The following NCAN variants were observed in gnomAD, a reference collection of about 807,000 sequenced individuals.
NCAN encodes neurocan.
In NCAN, 47 loss-of-function variants were observed where a neutral mutation model predicts 121.8. The observed-to-expected ratio is 0.39, with a 90% CI of 0.31 to 0.49. The LOEUF is 0.49. Ranked by LOEUF, NCAN falls within the 20% of genes least tolerant of loss-of-function variation. The pLI is 0.92. For missense variants in NCAN, 1,517 were observed against 1,773.4 expected (o/e 0.86, Z 2.60); for synonymous variants, 633 against 702.0 (o/e 0.90, Z 1.55).
In NCAN at chr19:19,249,873, A is replaced by G. The variant is rs1248874514; in HGVS notation, c.3928A>G (p.Thr1310Ala). The G allele has an allele frequency of 5.6e-6, 9 of 1,613,980 alleles. No homozygotes were observed. The highest frequency in any genetic ancestry group is 4.5e-5 in the East Asian group (2 of 44,876). ...KERRKHKKHP[T>A]EDWEKDEGNF... is the part of the protein sequence containing the mutation. The stretch of plus-strand genomic sequence containing the variant: ...GCGCAGAAAACACAAGAAACACCCA[A>G]CGGAGGACTGGGAGAAGGACGAAGG... Residue 1310 changes from threonine (T) to alanine (A), a missense_variant, in exon 15 of 15, where the codon ACG (threonine) becomes GCG (alanine). Coordinates refer to ENST00000252575, the MANE Select transcript of NCAN (RefSeq NM_004386.3).
intron 12 of NCAN, among the ~76,000 whole-genome samples, chr19:19,243,588 T>C (rs919637794): frequency 6.7e-6 from 1 of 149,434 alleles, no homozygotes; most frequent in African/African-American, 2.5e-5. Flanking sequence ...ATTGTGAATG[T>C]AATTAGTGCA....
At chr19:19,229,791 A>C (rs1176839183) in intron 8 of NCAN, among the ~76,000 whole-genome samples, 2 of 152,190 alleles carry the variant, frequency 1.3e-5, no homozygotes, top group Non-Finnish European at 2.9e-5. Context: ...AACAAACAAA[A>C]AAGAGGCTGC....
intron 13 of NCAN, among the ~76,000 whole-genome samples, 194 bp downstream of exon 13, chr19:19,245,651 T>C (rs2060921804): frequency 6.6e-6 from 1 of 152,092 alleles, no homozygotes; most frequent in Admixed American, 6.6e-5. Context: ...CTAATTTTTG[T>C]ATTTTTTGTA....
In NCAN at chr19:19,224,324, C is replaced by T; in HGVS notation, c.669C>T (p.Ser223=). Residue 223 remains serine, a synonymous_variant, in exon 5 of 15, where the codon TCC becomes TCT. Coordinates refer to ENST00000252575, the MANE Select transcript of NCAN (RefSeq NM_004386.3). ...TTGTCAGGTATCCTATCACCCAGTC[C>T]CGTCCTGGTTGCTATGGCGACCGTA... ...DRTVRYPITQ[S]RPGCYGDRSS... 6.2e-7 allele frequency: 1 copy of T among 1,614,004 alleles called. No homozygotes were observed. The highest frequency in any genetic ancestry group is 8.5e-7 in the Non-Finnish European group (1 of 1,179,946).
rs558927235 is a variant in NCAN, at chr19:19,213,737, G to T, written c.-8+1673G>T. On this transcript the variant is annotated intron_variant, in intron 1 of 14. Transcript: ENST00000252575. Reference sequence around the variant, plus strand: ...TGGCAGTGTGCACCCTTGGCACGGGGGTGTGGGACGTGGTCTGTGTTCAGA... The same window carrying T: ...TGGCAGTGTGCACCCTTGGCACGGGTGTGTGGGACGTGGTCTGTGTTCAGA... Among the ~76,000 whole-genome samples the T allele has an allele frequency of 1.1e-4, 16 of 152,166 alleles. No individual in the cohort carries two copies. The South Asian group carries it at 3.3e-3, about 32-fold the overall frequency.
intron 12 of NCAN, among the ~76,000 whole-genome samples, chr19:19,244,564 CT>C (rs2060917257): frequency 6.6e-6 from 1 of 151,984 alleles, no homozygotes; most frequent in Non-Finnish European, 1.5e-5. Flanking sequence ...CCCCCTTGGC[CT>C]CTCAAAGTGC....
chr19:19,223,152 T>C (rs1280182826), intron 3 of NCAN, among the ~76,000 whole-genome samples: 10 of 151,568 alleles, frequency 6.6e-5, no homozygotes, highest in Non-Finnish European at 1.3e-4. Context: ...AATAAATAAA[T>C]AAATAAAAAA....
chr19:19,240,557 G>A (rs969942953), intron 11 of NCAN, 46 bp from the exon 12 acceptor site: 13 of 1,598,900 alleles, frequency 8.1e-6, no homozygotes, highest in South Asian at 1.1e-5. Flanking sequence ...CCTGGGCCAG[G>A]AGAGGCATGG....
At chr19:19,243,818 G>T (rs34099325) in intron 12 of NCAN, among the ~76,000 whole-genome samples, 3,510 of 152,224 alleles carry the variant, frequency 0.023, 66 homozygotes, top group Non-Finnish European at 0.031. Context: ...GCGAGGTCAG[G>T]AGTTCAAGAC....
At chr19:19,221,827 GC>G (rs2060817845) in intron 3 of NCAN, among the ~76,000 whole-genome samples, 1 of 152,096 alleles carries the variant, frequency 6.6e-6, no homozygotes, top group Non-Finnish European at 1.5e-5. Flanking sequence ...AAGGTTGGAA[GC>G]TGCAGTGAGC....
intron 1 of NCAN, among the ~76,000 whole-genome samples, chr19:19,215,353 G>A (rs960490103): frequency 4.6e-5 from 7 of 152,182 alleles, no homozygotes; most frequent in African/African-American, 1.7e-4. Context: ...CTGGTGACCG[G>A]GGTTCGCAGG....
chr19:19,233,760 C>A, intron 8 of NCAN, 29 bp from the exon 9 acceptor site: 1 of 1,434,154 alleles, frequency 7.0e-7, no homozygotes, highest in South Asian at 1.1e-5. Flanking sequence ...TGGCCTGACT[C>A]TTCCCCACAC....
Position 19,225,566 on chromosome 19 carries a change from GAC to G in NCAN, c.1072+298_1072+299del, listed in dbSNP as rs2060833374. Among the ~76,000 whole-genome samples, 1 of 152,174 alleles carries G rather than the reference GAC, an allele frequency of 6.6e-6. No homozygotes were observed. Among genetic ancestry groups the G allele is most frequent in the Non-Finnish European group, 1.5e-5 (1 of 68,008 alleles). On this transcript the variant is annotated intron_variant, in intron 6 of 14. Coordinates refer to ENST00000252575, the MANE Select transcript of NCAN (RefSeq NM_004386.3). The surrounding 1 kb of genome is among the most constrained non-coding windows in gnomAD (Gnocchi z 4.0). ...GTCCGGAGGCCCCATAACCTTGAAAGACAAGCCCCTAGGTGGGGCATACTCTA... is the reference window on the plus strand; with the variant it reads ...GTCCGGAGGCCCCATAACCTTGAAAGAAGCCCCTAGGTGGGGCATACTCTA...
intron 10 of NCAN, 46 bp downstream of exon 10, chr19:19,235,142 G>A (rs1396053086): frequency 7.3e-7 from 1 of 1,367,228 alleles, no homozygotes; most frequent in Non-Finnish European, 1.0e-6. Context: ...GAGTGGGGTT[G>A]GGTGCCCAGC....
intron 11 of NCAN, chr19:19,238,725 G>A: frequency 2.4e-6 from 1 of 423,060 alleles, no homozygotes; most frequent in South Asian, 2.2e-5. Flanking sequence ...CCCAGGGAGT[G>A]ACCATTTCTT....
At position 19,224,301 on chromosome 19, in the gene NCAN, G is replaced by T. The variant is rs1312755232; in HGVS notation, c.651-5G>T. 1 of 1,612,290 alleles carries T rather than the reference G, an allele frequency of 6.2e-7. No individual in the cohort carries two copies. The highest frequency in any genetic ancestry group is 8.5e-7 in the Non-Finnish European group (1 of 1,178,738). On this transcript the variant is annotated splice_polypyrimidine_tract_variant and splice_region_variant and intron_variant, in intron 4 of 14. Coordinates refer to ENST00000252575, the MANE Select transcript of NCAN (RefSeq NM_004386.3). ...CTGAGAGGGACCCTCCCCTTGTGTT[G>T]TCAGGTATCCTATCACCCAGTCCCG...
Position 19,225,057 on chromosome 19 carries a change from C to A in NCAN, c.859C>A (p.Leu287Met). 6.6e-7 allele frequency: 1 copy of A among 1,516,984 alleles called. No homozygotes were observed. The highest frequency in any genetic ancestry group is 8.8e-7 in the Non-Finnish European group (1 of 1,140,358). 94.0% of individuals were successfully genotyped at this position (1,516,984 alleles called of 1,614,324 possible). The stretch of plus-strand genomic sequence containing the variant: ...ACAGTGCCGCCGCCAGGGTGCCGCG[C>A]TGGCCTCGGTGGGACAGCTGCACCT... Reference protein sequence around the residue: ...RAQCRRQGAALASVGQLHLAW... With the variant: ...RAQCRRQGAAMASVGQLHLAW... The change falls in exon 6 of 15, where the codon CTG becomes ATG. Residue 287 changes from leucine (L) to methionine (M), a missense_variant. Leu to Met is a conservative substitution (Grantham distance 15). Transcript: ENST00000252575. The surrounding 1 kb of genome is among the most constrained non-coding windows in gnomAD (Gnocchi z 4.0).
chr19:19,220,342 T>G (rs2146538130), intron 3 of NCAN, among the ~76,000 whole-genome samples: 1 of 151,036 alleles, frequency 6.6e-6, no homozygotes, highest in East Asian at 2.0e-4. Context: ...CCTTGTAAAA[T>G]AAACTTAAGT....
chr19:19,235,224 A>C (rs2146549482), intron 10 of NCAN, 128 bp downstream of exon 10: 1 of 564,380 alleles, frequency 1.8e-6, no homozygotes, highest in Non-Finnish European at 3.2e-6. Context: ...AAGATAAATT[A>C]TTCTTTTAGA....
Sources: allele counts gnomAD v4.1 joint callset (sites outside exome capture counted in the v4.1 genomes callset), GRCh38; gene constraint gnomAD v4.1.1; non-coding constraint Gnocchi (gnomAD v3.1); transcripts MANE v1.5; gene names NCBI Gene and HGNC (gene_info 2026-07-23, HGNC 2026-07-21).